The following GEMIN8 variants were observed in gnomAD, a reference collection of about 807,000 sequenced individuals.
The protein encoded by GEMIN8 is gem nuclear organelle associated protein 8.
For synonymous variants in GEMIN8, 80 were observed against 78.5 expected (o/e 1.02, Z -0.10); for missense variants, 185 against 205.9 (o/e 0.90, Z 0.62).
At chrX:14,001,925 C>T (rs1285780187), downstream of GEMIN8, among the ~76,000 whole-genome samples, 5 of 107,033 alleles carry the variant, frequency 4.7e-5, no homozygotes, top group African/African-American at 1.7e-4. Context: ...GAGTTAGAGA[C>T]CAGCCTGGCC....
At chrX:14,011,516 C>CTT (rs575651297) in intron 4 of GEMIN8, among the ~76,000 whole-genome samples, 35 of 60,386 alleles carry the variant, frequency 5.8e-4, no homozygotes, top group Admixed American at 8.0e-4. Context: ...CTATGGCTCT[C>CTT]TTTTTTTTTT....
At chrX:13,998,443 A>G in the GEMIN8 span, among the ~76,000 whole-genome samples, 1 of 109,550 alleles carries the variant, frequency 9.1e-6, no homozygotes, top group South Asian at 3.9e-4. Context: ...GTATCACTTC[A>G]CCCTTCGTGC....
At chrX:13,993,440 ACTT>A in the GEMIN8 span, among the ~76,000 whole-genome samples, 4 of 83,679 alleles carry the variant, frequency 4.8e-5, no homozygotes, top group Admixed American at 5.2e-4. Flanking sequence ...TGTTGTGTAT[ACTT>A]TTTTTTTTTT....
chrX:13,993,132 A>T, the GEMIN8 span, among the ~76,000 whole-genome samples: 1 of 112,299 alleles, frequency 8.9e-6, no homozygotes, highest in Non-Finnish European at 1.9e-5. Flanking sequence ...CAGATACTAT[A>T]AACATATTTG....
intron 1 of GEMIN8, among the ~76,000 whole-genome samples, chrX:14,027,972 T>C (rs1438328507): frequency 2.7e-5 from 3 of 112,666 alleles, no homozygotes; most frequent in African/African-American, 9.7e-5. Flanking sequence ...AAGGGTTGAA[T>C]AGGCAGGTTC....
chrX:14,000,184 A>G, the GEMIN8 span, among the ~76,000 whole-genome samples: 1 of 110,881 alleles, frequency 9.0e-6, no homozygotes, highest in Non-Finnish European at 1.9e-5. Context: ...CTACAGTCCC[A>G]GCTACTTGGA....
chrX:14,027,671 T>C (rs1006878783), intron 1 of GEMIN8, among the ~76,000 whole-genome samples: 6 of 112,726 alleles, frequency 5.3e-5, no homozygotes, highest in African/African-American at 1.9e-4. Context: ...CTTTTTTTCA[T>C]ACAAATGACA....
At chrX:14,002,726 T>C (rs772723534), downstream of GEMIN8, among the ~76,000 whole-genome samples, 1 of 111,469 alleles carries the variant, frequency 9.0e-6, no homozygotes, top group African/African-American at 3.3e-5. Flanking sequence ...GGTCTCGAAC[T>C]CCTGACCTCA....
At chrX:13,987,926 G>T in the GEMIN8 span, among the ~76,000 whole-genome samples, 1 of 111,925 alleles carries the variant, frequency 8.9e-6, no homozygotes, top group Non-Finnish European at 1.9e-5. Context: ...CAAGCACCGT[G>T]TTCTCTCCTG....
the GEMIN8 span, among the ~76,000 whole-genome samples, chrX:13,985,642 G>A: frequency 1.8e-5 from 2 of 111,785 alleles, no homozygotes; most frequent in African/African-American, 6.5e-5. Flanking sequence ...ACAGAGTATT[G>A]AATGTTGTAT....
At chrX:14,028,563 C>A (rs192485234) in intron 1 of GEMIN8, among the ~76,000 whole-genome samples, 18 of 111,662 alleles carry the variant, frequency 1.6e-4, no homozygotes, top group Non-Finnish European at 3.2e-4. Context: ...CCAATTTACA[C>A]TCTAGCCTTA....
chrX:14,009,557 G>A (rs1235684293), intron 4 of GEMIN8, among the ~76,000 whole-genome samples: 2 of 110,699 alleles, frequency 1.8e-5, no homozygotes, highest in African/African-American at 6.6e-5. Flanking sequence ...AAAAAAAAAA[G>A]AAAAAGAAAT....
the GEMIN8 span, among the ~76,000 whole-genome samples, chrX:14,001,715 G>A: frequency 1.8e-5 from 2 of 111,703 alleles, no homozygotes; most frequent in Admixed American, 9.4e-5. Flanking sequence ...GTTTCACCAC[G>A]TTGGCCAGGA....
intron 4 of GEMIN8, among the ~76,000 whole-genome samples, chrX:14,015,467 G>A (rs958218737): frequency 8.9e-6 from 1 of 111,894 alleles, no homozygotes; most frequent in African/African-American, 3.2e-5. Context: ...TGTACAAAAG[G>A]AGTTCTTATC....
chrX:14,018,659 G>A (rs1453496584), intron 4 of GEMIN8, among the ~76,000 whole-genome samples: 1 of 111,819 alleles, frequency 8.9e-6, no homozygotes, highest in African/African-American at 3.2e-5. Context: ...TTTATTTCTG[G>A]AGATCAAGCA....
At chrX:14,009,778 A>T (rs187065312) in intron 4 of GEMIN8, among the ~76,000 whole-genome samples, 1 of 111,954 alleles carries the variant, frequency 8.9e-6, no homozygotes, top group East Asian at 2.8e-4. Context: ...CTTCCTGGAA[A>T]GTCCAGTGTT....
In GEMIN8 at chrX:14,026,335, A is replaced by G. The variant is rs950830829; in HGVS notation, c.-115-114T>C. 9.4e-6 allele frequency: 7 copies of G among 744,123 alleles called. No individual in the cohort carries two copies. The South Asian group carries it at 4.8e-4, about 51-fold the overall frequency. 61.3% of individuals were successfully genotyped at this position (744,123 alleles called of 1,213,427 possible). A position where few individuals can be genotyped will look rare whatever the true frequency, so the allele number is the denominator to read the frequency against. ...TAATGGCCACCACCCAGCTGAGCCCAGGCGAGTACAGAGACCATTCATTGT... is the reference window on the plus strand; with the variant it reads ...TAATGGCCACCACCCAGCTGAGCCCGGGCGAGTACAGAGACCATTCATTGT... On this transcript the variant is annotated intron_variant, in intron 1 of 4. Coordinates refer to ENST00000680255, the MANE Select transcript of GEMIN8 (RefSeq NM_001042479.2).
At chrX:14,000,229 G>A in the GEMIN8 span, among the ~76,000 whole-genome samples, 3 of 111,083 alleles carry the variant, frequency 2.7e-5, no homozygotes, top group African/African-American at 9.8e-5. Context: ...GAGCCCAGGA[G>A]GTTGAGACTC....
chrX:13,999,931 G>A, the GEMIN8 span, among the ~76,000 whole-genome samples: 1 of 111,613 alleles, frequency 9.0e-6, no homozygotes, highest in East Asian at 2.8e-4. Context: ...GTATCTGCCA[G>A]GTTCTTCCAA....
Sources: gnomAD v4.1 joint callset for allele counts (sites outside exome capture counted in the v4.1 genomes callset) on GRCh38, gnomAD v4.1.1 for gene constraint, MANE v1.5 for transcripts, NCBI Gene and HGNC (gene_info 2026-07-23, HGNC 2026-07-21) for gene names.